DACH1: variants seen among roughly 807,000 people sequenced by gnomAD.
The protein encoded by DACH1 is dachshund family transcription factor 1.
A neutral mutation model predicts 54.2 loss-of-function variants in DACH1; 12 were observed. The ratio of observed to expected loss-of-function variants is 0.22; its 90% CI spans 0.14 to 0.36. DACH1 has a LOEUF of 0.36. Among genes scored for constraint, DACH1 ranks in the 10% least tolerant of loss-of-function variants. The probability of loss-of-function intolerance (pLI) is 1.00; values close to 1 mark genes in which losing one functional copy is unlikely to be tolerated. For missense variants in DACH1, 805 were observed against 929.8 expected (o/e 0.87, Z 1.75); for synonymous variants, 386 against 366.2 (o/e 1.05, Z -0.62).
At chr13:71,850,639 T>C (rs1461274105) in intron 1 of DACH1, among the ~76,000 whole-genome samples, 1 of 152,200 alleles carries the variant, frequency 6.6e-6, no homozygotes, top group Admixed American at 6.5e-5. Flanking sequence ...TGAGGAGTAA[T>C]ACATTAATTC....
At chr13:71,580,461 T>C (rs895932688) in intron 3 of DACH1, among the ~76,000 whole-genome samples, 1 of 152,210 alleles carries the variant, frequency 6.6e-6, no homozygotes, top group Non-Finnish European at 1.5e-5. Flanking sequence ...GTATATATTA[T>C]TAATGTTTTT....
intron 2 of DACH1, among the ~76,000 whole-genome samples, chr13:71,673,945 G>C (rs1178820770): frequency 3.3e-5 from 5 of 151,982 alleles, no homozygotes; most frequent in Non-Finnish European, 7.4e-5. Context: ...GGCTCTACAC[G>C]CTGCATCTTT....
Position 71,522,873 on chromosome 13 carries a change from C to T in DACH1, c.1571-33725G>A, listed in dbSNP as rs149617090. 4.8e-3 allele frequency among the ~76,000 whole-genome samples: 732 copies of T among 152,102 alleles called. 8 individuals are homozygous for T. Among genetic ancestry groups the T allele is most frequent in the African/African-American group, 0.016 (671 of 41,512 alleles). ...TGTGAAATTCTTTTCTCTCTTTTAT[C>T]GAAAAGTTAATTGTTAAACTTTGCT... On this transcript the variant is annotated intron_variant, in intron 6 of 10. Coordinates refer to ENST00000613252, the MANE Select transcript of DACH1 (RefSeq NM_080759.6).
Position 71,489,033 on chromosome 13 carries a change from T to G in DACH1, c.1686A>C (p.Gly562=). The part of the protein sequence containing the change: ...GFPSPFLFPD[G]LSSIETLLTN... ...TCAGAAGAGTCTCGATGGAAGACAGTCCATCAGGAAACAGAAAAGGAGATG... is the reference window on the plus strand; with the variant it reads ...TCAGAAGAGTCTCGATGGAAGACAGGCCATCAGGAAACAGAAAAGGAGATG... Residue 562 remains glycine (G), a synonymous_variant, in exon 7 of 11, where the codon GGA becomes GGC. Transcript: ENST00000613252. The G allele has an allele frequency of 6.2e-7, 1 of 1,613,734 alleles. No individual in the cohort carries two copies. The highest frequency in any genetic ancestry group is 8.5e-7 in the Non-Finnish European group (1 of 1,179,810).
At chr13:71,500,201 A>C (rs1228326281) in intron 6 of DACH1, among the ~76,000 whole-genome samples, 2 of 152,164 alleles carry the variant, frequency 1.3e-5, no homozygotes, top group Non-Finnish European at 2.9e-5. Flanking sequence ...TGAGTTTCTG[A>C]AATGTGCTTT....
chr13:71,549,176 G>A (rs2138351986), intron 6 of DACH1, among the ~76,000 whole-genome samples: 1 of 152,128 alleles, frequency 6.6e-6, no homozygotes, highest in Middle Eastern at 3.4e-3. Context: ...TTAGATGAAA[G>A]CAATAAAATA....
chr13:71,733,590 C>A (rs1395908736), intron 1 of DACH1, among the ~76,000 whole-genome samples: 1 of 152,086 alleles, frequency 6.6e-6, no homozygotes, highest in African/African-American at 2.4e-5. Context: ...GTGGTTTAGA[C>A]AGCACACAGG....
At chr13:71,849,643 C>T (rs1873531758) in intron 1 of DACH1, among the ~76,000 whole-genome samples, 1 of 152,084 alleles carries the variant, frequency 6.6e-6, no homozygotes, top group African/African-American at 2.4e-5. Flanking sequence ...CTTATTTCCC[C>T]CCCATCTATG....
Position 71,545,535 on chromosome 13 carries a change from A to AAGGGAGGGAAGG in DACH1, c.1570+11477_1570+11488dup, listed in dbSNP as rs1176147819. 7.3e-4 allele frequency among the ~76,000 whole-genome samples: 103 copies of AAGGGAGGGAAGG among 141,746 alleles called. 1 individual carries two copies. The highest frequency in any genetic ancestry group is 1.1e-3 in the Non-Finnish European group (74 of 64,842). The allele number at this position is 141,746 out of a possible 152,430, so 93.0% of individuals were successfully genotyped here. A position where few individuals can be genotyped will look rare whatever the true frequency, so the allele number is the denominator to read the frequency against. On this transcript the variant is annotated intron_variant, in intron 6 of 10. Transcript: ENST00000613252. ...AGAAGAAAAGAAGAAAGGAAGGAAG[A>AAGGGAGGGAAGG]AGGGAGGGAAGGAGGGAGGGAGAGA...
intron 10 of DACH1, among the ~76,000 whole-genome samples, chr13:71,453,567 C>T (rs1044927688): frequency 7.2e-5 from 11 of 152,040 alleles, no homozygotes; most frequent in African/African-American, 2.4e-4. Context: ...TTATTTTCTT[C>T]TAAGTTTGGA....
At chr13:71,784,564 C>G (rs1340103941) in intron 1 of DACH1, among the ~76,000 whole-genome samples, 2 of 152,054 alleles carry the variant, frequency 1.3e-5, no homozygotes, top group African/African-American at 2.4e-5. Context: ...TTATCTATCA[C>G]TTTTTACTCC....
intron 6 of DACH1, among the ~76,000 whole-genome samples, chr13:71,522,242 T>G (rs1296884809): frequency 6.6e-6 from 1 of 152,074 alleles, no homozygotes; most frequent in Admixed American, 6.6e-5. Context: ...TGAGTGGCAA[T>G]GAGAACACCT....
At chr13:71,796,865 G>A (rs547338447) in intron 1 of DACH1, among the ~76,000 whole-genome samples, 1 of 152,126 alleles carries the variant, frequency 6.6e-6, no homozygotes, top group East Asian at 1.9e-4. Flanking sequence ...CTTAGGGTTA[G>A]GAAACTGGTT....
intron 1 of DACH1, among the ~76,000 whole-genome samples, chr13:71,804,375 G>A (rs1438367481): frequency 6.6e-6 from 1 of 152,024 alleles, no homozygotes; most frequent in Non-Finnish European, 1.5e-5. Flanking sequence ...ATGCACCCAA[G>A]ACATTCCTCC....
At chr13:71,470,823 A>G (rs548983866) in intron 10 of DACH1, among the ~76,000 whole-genome samples, 37 of 152,196 alleles carry the variant, frequency 2.4e-4, no homozygotes, top group Non-Finnish European at 4.7e-4. Flanking sequence ...CAATAGGAAC[A>G]TGGCAGTGAA....
intron 1 of DACH1, among the ~76,000 whole-genome samples, chr13:71,695,573 A>G (rs1881784464): frequency 6.6e-6 from 1 of 152,196 alleles, no homozygotes; most frequent in South Asian, 2.1e-4. Context: ...AAGATTTTCA[A>G]ATGACATGGT....
At chr13:71,862,118 A>C (rs746515087) in intron 1 of DACH1, among the ~76,000 whole-genome samples, 5 of 151,958 alleles carry the variant, frequency 3.3e-5, no homozygotes, top group Admixed American at 1.3e-4. Context: ...TTAAGTTAAA[A>C]ACCCCTCAAA....
At chr13:71,550,979 A>G (rs1211575221) in intron 6 of DACH1, among the ~76,000 whole-genome samples, 2 of 152,132 alleles carry the variant, frequency 1.3e-5, no homozygotes, top group African/African-American at 2.4e-5. Context: ...TGGCCCTATA[A>G]TATGTGTTAA....
chr13:71,718,668 A>T (rs922929295), intron 1 of DACH1, among the ~76,000 whole-genome samples: 2 of 151,614 alleles, frequency 1.3e-5, no homozygotes, highest in African/African-American at 4.8e-5. Flanking sequence ...GTATATCAGG[A>T]TGTTGTAAAA....
Sources: gnomAD v4.1 joint callset for allele counts (sites outside exome capture counted in the v4.1 genomes callset) on GRCh38, gnomAD v4.1.1 for gene constraint, MANE v1.5 for transcripts, NCBI Gene and HGNC (gene_info 2026-07-23, HGNC 2026-07-21) for gene names.